FAM81A: variants seen among roughly 807,000 people sequenced by gnomAD.
The protein encoded by FAM81A is family with sequence similarity 81 member A, also known as protein FAM81A.
FAM81A carries 19 observed loss-of-function variants against 46.7 expected under a neutral mutation model. The observed-to-expected ratio is 0.41, with a 90% confidence interval of 0.28 to 0.60. FAM81A has a LOEUF of 0.60. Ranked by LOEUF, FAM81A falls within the 20% of genes least tolerant of loss-of-function variation. The pLI, the probability that FAM81A is intolerant of heterozygous loss-of-function variation, is 0.34. For missense variants in FAM81A, 377 were observed against 453.5 expected (o/e 0.83, Z 1.53); for synonymous variants, 183 against 152.9 (o/e 1.20, Z -1.45).
At position 59,460,144 on chromosome 15, in the gene FAM81A, T is replaced by C. The variant is rs770780205; in HGVS notation, c.232T>C (p.Phe78Leu). The C allele has an allele frequency of 3.1e-6, 5 of 1,614,020 alleles. No individual in the cohort carries two copies. Among genetic ancestry groups the C allele is most frequent in the Non-Finnish European group, 4.2e-6 (5 of 1,179,894 alleles). The stretch of plus-strand genomic sequence containing the variant: ...GGGAGGTGACCGCTTGGCCAGGCTT[T>C]TCTTGGAGGAGCATATCAGAAACAT... ...KGGGDRLARL[F>L]LEEHIRNITA... Residue 78 changes from phenylalanine (F) to leucine (L), a missense_variant, in exon 3 of 9, where the codon TTC (phenylalanine) becomes CTC (leucine). Transcript: ENST00000288228. This position sits in a 1 kb window ranked among gnomAD's most constrained non-coding sequence, Gnocchi z 4.4.
At chr15:59,494,471 CT>C (rs375095827) in intron 4 of FAM81A, among the ~76,000 whole-genome samples, 3 of 152,180 alleles carry the variant, frequency 2.0e-5, no homozygotes, top group African/African-American at 7.2e-5. Flanking sequence ...GATGCTGGTT[CT>C]AATACAAAGT....
At chr15:59,487,409 A>T (rs1266721721) in intron 3 of FAM81A, among the ~76,000 whole-genome samples, 1 of 151,496 alleles carries the variant, frequency 6.6e-6, no homozygotes, top group African/African-American at 2.4e-5. Flanking sequence ...GAAAGGAAAT[A>T]ATGAAGATCA....
At chr15:59,498,978 AT>A (rs2082062875) in intron 4 of FAM81A, among the ~76,000 whole-genome samples, 1 of 152,024 alleles carries the variant, frequency 6.6e-6, no homozygotes, top group Admixed American at 6.6e-5. Flanking sequence ...CCAAATGTGG[AT>A]TTTTTTGTAT....
intron 1 of FAM81A, among the ~76,000 whole-genome samples, chr15:59,449,672 C>T (rs570958216): frequency 4.0e-5 from 6 of 150,714 alleles, no homozygotes; most frequent in South Asian, 2.1e-4. Flanking sequence ...GTCCCAGCTA[C>T]GCGGGAGGCT....
At chr15:59,399,584 A>G (rs1304356686) in intron 1 of FAM81A, among the ~76,000 whole-genome samples, 1 of 152,304 alleles carries the variant, frequency 6.6e-6, no homozygotes, top group East Asian at 1.9e-4. Flanking sequence ...GAGAGGAGGA[A>G]GGGCAGGGTG....
chr15:59,461,871 G>T (rs2081555455), intron 3 of FAM81A, among the ~76,000 whole-genome samples: 1 of 152,114 alleles, frequency 6.6e-6, no homozygotes, highest in South Asian at 2.1e-4. Flanking sequence ...ACTAGGAGTA[G>T]AATTGCTGGG....
chr15:59,508,891 T>C lies in FAM81A; in HGVS notation c.572T>C (p.Leu191Ser). ...QISQLLNRVD[L>S]SISEQSTKLK... ...TCTCAGCTTTTGAACAGAGTGGACTTGTCAATATCAGAGCAGAGCACCAAA... is the reference window on the plus strand; with the variant it reads ...TCTCAGCTTTTGAACAGAGTGGACTCGTCAATATCAGAGCAGAGCACCAAA... Residue 191 changes from leucine to serine, a missense_variant, in exon 6 of 9, where the codon TTG becomes TCG. Physicochemically the swap from Leu to Ser is moderately radical, Grantham distance 145. Coordinates refer to ENST00000288228, the MANE Select transcript of FAM81A (RefSeq NM_152450.3). The C allele has an allele frequency of 6.2e-7, 1 of 1,613,316 alleles. No homozygotes were observed. The highest frequency in any genetic ancestry group is 1.1e-5 in the South Asian group (1 of 91,016).
intron 1 of FAM81A, among the ~76,000 whole-genome samples, chr15:59,449,932 T>A (rs2081398406): frequency 6.6e-6 from 1 of 151,728 alleles, no homozygotes; most frequent in Non-Finnish European, 1.5e-5. Flanking sequence ...TCTTTCCTTT[T>A]TTTTTGTGAG....
At chr15:59,494,548 T>A (rs1192417314) in intron 4 of FAM81A, among the ~76,000 whole-genome samples, 1 of 150,556 alleles carries the variant, frequency 6.6e-6, no homozygotes, top group African/African-American at 2.5e-5. Context: ...ACTTCTCTAC[T>A]CAACTTGTTG....
At chr15:59,463,483 A>C (rs1257063975) in intron 3 of FAM81A, among the ~76,000 whole-genome samples, 1 of 152,056 alleles carries the variant, frequency 6.6e-6, no homozygotes, top group Non-Finnish European at 1.5e-5. Context: ...TTTTCGTTTA[A>C]ATTTTAGGAT....
At chr15:59,440,515 G>A (rs2081286006) in intron 1 of FAM81A, among the ~76,000 whole-genome samples, 1 of 152,160 alleles carries the variant, frequency 6.6e-6, no homozygotes, top group Admixed American at 6.5e-5. Context: ...TTTGGGTTTT[G>A]TGTTGAAGCT....
At chr15:59,508,779 C>A in intron 5 of FAM81A, 84 bp from the exon 6 acceptor site, 1 of 911,216 alleles carries the variant, frequency 1.1e-6, no homozygotes, top group Non-Finnish European at 1.7e-6. Flanking sequence ...ATGCCATTGA[C>A]TACAATATGG....
chr15:59,519,713 T>C (rs1453534432), intron 8 of FAM81A, among the ~76,000 whole-genome samples: 5 of 152,044 alleles, frequency 3.3e-5, no homozygotes, highest in Admixed American at 1.3e-4. Flanking sequence ...CCTCCATTTT[T>C]ATCCATTTGT....
chr15:59,487,189 TTA>T (rs1433259993), intron 3 of FAM81A, among the ~76,000 whole-genome samples: 1 of 144,830 alleles, frequency 6.9e-6, no homozygotes, highest in South Asian at 2.1e-4. Context: ...TATATATATT[TTA>T]TATATATATT....
In FAM81A at chr15:59,507,267, G is replaced by C; in HGVS notation, c.468G>C (p.Gly156=). 6.2e-7 allele frequency: 1 copy of C among 1,611,880 alleles called. No homozygotes were observed. Among genetic ancestry groups the C allele is most frequent in the Non-Finnish European group, 8.5e-7 (1 of 1,179,014 alleles). ...CAGAGCACAAAACGACCTATGAGGG[G>C]CTCCAGCACTTGAACAAAGAACAGC... ...LSAEHKTTYE[G]LQHLNKEQQA... The change falls in exon 5 of 9, where the codon GGG becomes GGC. Residue 156 remains glycine (G), a synonymous_variant. Transcript: ENST00000288228.
chr15:59,409,756 G>T (rs765070378), intron 2 of FAM81A, among the ~76,000 whole-genome samples: 1 of 152,112 alleles, frequency 6.6e-6, no homozygotes, highest in Non-Finnish European at 1.5e-5. Context: ...TACTCTGAAC[G>T]TTTTATCTGC....
Position 59,521,240 on chromosome 15 carries a change from A to G in FAM81A, c.983-14A>G, listed in dbSNP as rs1161976966. 1.3e-6 allele frequency: 2 copies of G among 1,599,672 alleles called. No individual in the cohort carries two copies. The highest frequency in any genetic ancestry group is 1.7e-6 in the Non-Finnish European group (2 of 1,174,820). ...AAAATTGTTAACTGTTGTGAAATTTACCTCTCCTTCAAGGGTTTACAGCCG... is the reference window on the plus strand; with the variant it reads ...AAAATTGTTAACTGTTGTGAAATTTGCCTCTCCTTCAAGGGTTTACAGCCG... On this transcript the variant is annotated splice_polypyrimidine_tract_variant and intron_variant, in intron 8 of 8. Coordinates refer to ENST00000288228, the MANE Select transcript of FAM81A (RefSeq NM_152450.3).
Position 59,460,615 on chromosome 15 carries a change from T to C in FAM81A, c.294+409T>C. ...ATGTTTCTAGGTCATAATGATTATATGTAATACAGTTTATTACTCAAACAA... is the reference window on the plus strand; with the variant it reads ...ATGTTTCTAGGTCATAATGATTATACGTAATACAGTTTATTACTCAAACAA... On this transcript the variant is annotated intron_variant, in intron 3 of 8. Transcript: ENST00000288228. This position sits in a 1 kb window ranked among gnomAD's most constrained non-coding sequence, Gnocchi z 4.4. 1.0e-5 allele frequency: 3 copies of C among 293,242 alleles called. No individual in the cohort carries two copies. Among genetic ancestry groups the C allele is most frequent in the Non-Finnish European group, 2.0e-5 (3 of 151,046 alleles). The allele number at this position is 293,242 out of a possible 1,614,324, so 18.2% of individuals were successfully genotyped here. A position where few individuals can be genotyped will look rare whatever the true frequency, so the allele number is the denominator to read the frequency against.
At position 59,471,545 on chromosome 15, in the gene FAM81A, G is replaced by A. The variant is rs112107749; in HGVS notation, c.294+11339G>A. Among the ~76,000 whole-genome samples the A allele has an allele frequency of 7.8e-3, 1,184 of 151,184 alleles. 18 individuals are homozygous for A. The highest frequency in any genetic ancestry group is 0.025 in the African/African-American group (1,023 of 41,206). On this transcript the variant is annotated intron_variant, in intron 3 of 8. Coordinates refer to ENST00000288228, the MANE Select transcript of FAM81A (RefSeq NM_152450.3). ...TGGTGCAATCATAACTCACTGCAGCGTCAAACTCCTGGGCTCAAGTGATCC... is the reference window on the plus strand; with the variant it reads ...TGGTGCAATCATAACTCACTGCAGCATCAAACTCCTGGGCTCAAGTGATCC...
Sources: allele counts gnomAD v4.1 joint callset (sites outside exome capture counted in the v4.1 genomes callset), GRCh38; gene constraint gnomAD v4.1.1; non-coding constraint Gnocchi (gnomAD v3.1); transcripts MANE v1.5; gene names NCBI Gene and HGNC (gene_info 2026-07-23, HGNC 2026-07-21).